The following COP1 variants were observed in gnomAD, a reference collection of about 807,000 sequenced individuals.
COP1 encodes COP1 E3 ubiquitin ligase.
A neutral mutation model predicts 101.3 loss-of-function variants in COP1; 24 were observed. That is an observed-to-expected ratio of 0.24 (90% CI 0.17 to 0.33). The LOEUF is 0.33. Ranked by LOEUF, COP1 falls within the 10% of genes least tolerant of loss-of-function variation. The pLI, the probability that COP1 is intolerant of heterozygous loss-of-function variation, is 1.00. For missense variants in COP1, 663 were observed against 906.2 expected (o/e 0.73, Z 3.45); for synonymous variants, 347 against 341.9 (o/e 1.01, Z -0.17).
At chr1:175,969,415 C>T (rs919241942) in intron 18 of COP1, among the ~76,000 whole-genome samples, 2 of 152,144 alleles carry the variant, frequency 1.3e-5, no homozygotes, top group African/African-American at 2.4e-5. Flanking sequence ...GGTCATAAGA[C>T]TCTCATTCCA....
Position 176,037,385 on chromosome 1 carries a change from C to T in COP1, c.1612+5801G>A, listed in dbSNP as rs374344855. On this transcript the variant is annotated intron_variant, in intron 14 of 19. Transcript: ENST00000367669. ...TCATGCCACTTCACTCCAGCCTGGG[C>T]GACAGAGCAAGACTCCGTCTCAAAA... Among the ~76,000 whole-genome samples the T allele has an allele frequency of 9.4e-4, 136 of 145,408 alleles. 3 individuals carry two copies. The highest frequency in any genetic ancestry group is 2.9e-3 in the African/African-American group (114 of 39,152).
At chr1:176,001,610 G>A (rs1661622391) in intron 15 of COP1, among the ~76,000 whole-genome samples, 1 of 152,030 alleles carries the variant, frequency 6.6e-6, no homozygotes, top group Non-Finnish European at 1.5e-5. Context: ...AATGAGTAAA[G>A]GGTAAAATCA....
chr1:176,171,124 CA>C (rs1174700907), intron 3 of COP1, among the ~76,000 whole-genome samples: 3,388 of 56,624 alleles, frequency 0.06, 39 homozygotes, highest in Middle Eastern at 0.21. Flanking sequence ...GACTCCATCT[CA>C]AAAAAAAAAA....
intron 15 of COP1, among the ~76,000 whole-genome samples, chr1:175,998,484 A>T (rs1370034832): frequency 7.3e-6 from 1 of 136,252 alleles, no homozygotes; most frequent in South Asian, 2.8e-4. Flanking sequence ...AAAAAAAGAG[A>T]AAAAAAAGAA....
In COP1 at chr1:176,187,257, C is replaced by T. The variant is rs572120177; in HGVS notation, c.408-2565G>A. ...TCTCCTGCCTCAGCCTCTCAAGTAG[C>T]TGGGACTACAGGTGCATATCACCAC... On this transcript the variant is annotated intron_variant, in intron 1 of 19. Transcript: ENST00000367669. 7.2e-5 allele frequency among the ~76,000 whole-genome samples: 11 copies of T among 152,220 alleles called. No homozygotes were observed. The South Asian group carries it at 2.3e-3, about 32-fold the overall frequency.
chr1:175,994,063 A>G (rs1257296448), intron 15 of COP1, among the ~76,000 whole-genome samples: 1 of 152,252 alleles, frequency 6.6e-6, no homozygotes, highest in Non-Finnish European at 1.5e-5. Context: ...AAACTCTACA[A>G]GCCAGAAGAG....
At chr1:176,091,399 A>C (rs1681276814) in intron 9 of COP1, among the ~76,000 whole-genome samples, 2 of 152,122 alleles carry the variant, frequency 1.3e-5, no homozygotes, top group African/African-American at 4.8e-5. Context: ...TGAATAATAC[A>C]ATGACACCAA....
At chr1:176,112,376 G>A (rs905037522) in intron 9 of COP1, among the ~76,000 whole-genome samples, 27 of 151,592 alleles carry the variant, frequency 1.8e-4, no homozygotes, top group Non-Finnish European at 2.8e-4. Context: ...GGTTTGTTAC[G>A]TATATATACA....
At chr1:175,966,436 C>T (rs1652048662) in intron 18 of COP1, among the ~76,000 whole-genome samples, 1 of 152,124 alleles carries the variant, frequency 6.6e-6, no homozygotes, top group South Asian at 2.1e-4. Flanking sequence ...GAGGAAGGTA[C>T]TATTTTTATC....
intron 15 of COP1, among the ~76,000 whole-genome samples, chr1:176,007,632 G>A (rs1386839610): frequency 2.0e-5 from 3 of 151,774 alleles, no homozygotes; most frequent in African/African-American, 7.3e-5. Context: ...CCCTGCTGGG[G>A]GGTGTCTCCC....
intron 17 of COP1, among the ~76,000 whole-genome samples, 163 bp from the exon 18 acceptor site, chr1:175,987,266 G>T (rs1041689073): frequency 6.6e-6 from 1 of 152,078 alleles, no homozygotes; most frequent in African/African-American, 2.4e-5. Context: ...GTAAGAAAAG[G>T]ATTCTTGGAC....
At chr1:176,008,052 C>T (rs944235643) in intron 15 of COP1, among the ~76,000 whole-genome samples, 17 of 152,246 alleles carry the variant, frequency 1.1e-4, no homozygotes, top group African/African-American at 3.8e-4. Flanking sequence ...CGTGGTGCGC[C>T]GTTTTTTAAG....
chr1:176,009,395 T>C (rs1664189471), intron 15 of COP1, among the ~76,000 whole-genome samples: 1 of 152,202 alleles, frequency 6.6e-6, no homozygotes, highest in African/African-American at 2.4e-5. Context: ...ATTATAAAAA[T>C]AACATAGTAC....
chr1:176,003,383 T>C (rs1304655486), intron 15 of COP1, among the ~76,000 whole-genome samples: 3 of 152,030 alleles, frequency 2.0e-5, no homozygotes, highest in Admixed American at 2.0e-4. Flanking sequence ...TTTTGGCTTT[T>C]GTTGCCATTG....
intron 15 of COP1, 143 bp from the exon 16 acceptor site, chr1:175,989,622 C>A: frequency 1.8e-6 from 1 of 561,068 alleles, no homozygotes; most frequent in South Asian, 2.4e-5. Context: ...GAAAAGGAAT[C>A]CTTTTCAAAT....
At chr1:176,168,939 T>C (rs2149999655) in intron 3 of COP1, among the ~76,000 whole-genome samples, 1 of 152,280 alleles carries the variant, frequency 6.6e-6, no homozygotes, top group African/African-American at 2.4e-5. Context: ...ACCAAATCCA[T>C]CTTGAGTTAT....
At chr1:176,152,405 TTAA>T (rs1692757015) in intron 5 of COP1, among the ~76,000 whole-genome samples, 1 of 152,182 alleles carries the variant, frequency 6.6e-6, no homozygotes, top group Admixed American at 6.5e-5. Flanking sequence ...ATAAATCTTG[TTAA>T]TAATGTTATG....
chr1:176,049,989 T>C (rs1286807048), intron 11 of COP1, among the ~76,000 whole-genome samples: 4 of 152,234 alleles, frequency 2.6e-5, no homozygotes, highest in South Asian at 2.1e-4. Context: ...ACTACTGCTA[T>C]ACAACGTTCA....
At chr1:176,160,632 C>G (rs918739576) in intron 5 of COP1, among the ~76,000 whole-genome samples, 9 of 151,928 alleles carry the variant, frequency 5.9e-5, no homozygotes, top group Non-Finnish European at 1.3e-4. Context: ...AGACACTTCT[C>G]AAAAGAAGAC....
Sources: gnomAD v4.1 joint callset for allele counts (sites outside exome capture counted in the v4.1 genomes callset) on GRCh38, gnomAD v4.1.1 for gene constraint, MANE v1.5 for transcripts, NCBI Gene and HGNC (gene_info 2026-07-23, HGNC 2026-07-21) for gene names.